CDH8: variants seen among roughly 807,000 people sequenced by gnomAD.
CDH8 encodes the protein cadherin-8.
CDH8 carries 17 observed loss-of-function variants against 68.1 expected under a neutral mutation model. The observed-to-expected ratio is 0.25, with a 90% CI of 0.17 to 0.37. The LOEUF is 0.37. Ranked by LOEUF, CDH8 falls within the 10% of genes least tolerant of loss-of-function variation. CDH8 has a pLI of 1.00. For synonymous variants in CDH8, 372 were observed against 365.1 expected (o/e 1.02, Z -0.21); for missense variants, 763 against 999.3 (o/e 0.76, Z 3.19).
At chr16:61,887,977 G>C (rs1963707243) in intron 3 of CDH8, among the ~76,000 whole-genome samples, 1 of 152,094 alleles carries the variant, frequency 6.6e-6, no homozygotes. Flanking sequence ...CTGAAATTCT[G>C]TTTCTAGAAC....
rs1286697934 is a variant in CDH8, at chr16:61,852,900, TC to T, written c.667+4218del. On this transcript the variant is annotated intron_variant, in intron 4 of 11. Coordinates refer to ENST00000577390, the MANE Select transcript of CDH8 (RefSeq NM_001796.5). ...TTCCTTCCTTCCTTCCTTCCATTCT[TC>T]CTTCCTTCCTTCCTTCCTTCCCTCT... Among the ~76,000 whole-genome samples the T allele has an allele frequency of 1.3e-3, 192 of 148,688 alleles. 1 individual carries two copies. Among genetic ancestry groups the T allele is most frequent in the South Asian group, 8.9e-3 (41 of 4,626 alleles).
chr16:61,730,290 T>C (rs1012067910), intron 8 of CDH8, among the ~76,000 whole-genome samples: 1 of 151,460 alleles, frequency 6.6e-6, no homozygotes. Context: ...GTGTTATTTA[T>C]CTATCCCTGG....
rs1463701489 is a variant in CDH8, at chr16:61,901,293, T to G, written c.433A>C (p.Lys145Gln). 3 of 1,614,074 alleles carry G rather than the reference T, an allele frequency of 1.9e-6. No individual in the cohort carries two copies. In the East Asian group the frequency reaches 6.7e-5, roughly 36 times the overall value. Residue 145 changes from lysine (K) to glutamine (Q), a missense_variant, in exon 3 of 12, where the codon AAA (lysine) becomes CAA (glutamine). Physicochemically the swap from Lys to Gln is moderately conservative, Grantham distance 53 (BLOSUM62 1). Around this residue, in one of 2 missense-constraint regions of CDH8, gnomAD observed 366 missense variants for 563.1 expected, o/e 0.65. Coordinates refer to ENST00000577390, the MANE Select transcript of CDH8 (RefSeq NM_001796.5). ...AATTCAGAAGGAGGCTCCAGAGGTT[T>G]GCTTGTCTCCCAGTCCACTGCTTGA... ...TAQAVDWETSKPLEPPSEFII... is the reference protein window; with the variant it reads ...TAQAVDWETSQPLEPPSEFII...
At chr16:61,683,446 T>C (rs1468390415) in intron 10 of CDH8, among the ~76,000 whole-genome samples, 2 of 151,250 alleles carry the variant, frequency 1.3e-5, no homozygotes, top group Non-Finnish European at 3.0e-5. Flanking sequence ...GATTCCCTAA[T>C]ACAGTGCCAT....
At chr16:61,688,627 G>T (rs541512115) in intron 10 of CDH8, among the ~76,000 whole-genome samples, 1 of 152,078 alleles carries the variant, frequency 6.6e-6, no homozygotes, top group Non-Finnish European at 1.5e-5. Flanking sequence ...ACCCCACTGA[G>T]ATGGATCATA....
At chr16:62,030,369 T>C (rs930266740) in intron 1 of CDH8, among the ~76,000 whole-genome samples, 29 of 151,682 alleles carry the variant, frequency 1.9e-4, no homozygotes, top group Non-Finnish European at 1.6e-4. Flanking sequence ...GTATGAATTG[T>C]TTTTTGTTTT....
intron 2 of CDH8, among the ~76,000 whole-genome samples, chr16:61,954,282 G>A (rs1382424602): frequency 6.6e-6 from 1 of 151,992 alleles, no homozygotes; most frequent in East Asian, 1.9e-4. Flanking sequence ...CAGTTACTTG[G>A]TTCTCACCCT....
intron 10 of CDH8, among the ~76,000 whole-genome samples, chr16:61,673,690 CA>C (rs1380176695): frequency 1.3e-5 from 2 of 152,072 alleles, no homozygotes; most frequent in Non-Finnish European, 2.9e-5. Context: ...CTCACTTTTT[CA>C]GTGAGATTTA....
At chr16:61,834,499 T>A (rs1304176485) in intron 4 of CDH8, among the ~76,000 whole-genome samples, 1 of 151,960 alleles carries the variant, frequency 6.6e-6, no homozygotes, top group African/African-American at 2.4e-5. Flanking sequence ...ATTTCATAAT[T>A]GACATTTGAA....
intron 1 of CDH8, chr16:62,034,944 A>T (rs904027757): frequency 9.9e-5 from 15 of 152,248 alleles, no homozygotes; most frequent in African/African-American, 2.7e-4. Flanking sequence ...GTGGAGGCAA[A>T]CGGCTAGTCC....
At chr16:61,777,331 C>T (rs753595285) in intron 8 of CDH8, among the ~76,000 whole-genome samples, 24 of 152,116 alleles carry the variant, frequency 1.6e-4, no homozygotes, top group Non-Finnish European at 2.6e-4. Flanking sequence ...AGCAGCAACT[C>T]GCACCTGAAA....
At chr16:62,028,213 C>T (rs559447737) in intron 1 of CDH8, among the ~76,000 whole-genome samples, 8 of 151,728 alleles carry the variant, frequency 5.3e-5, no homozygotes, top group South Asian at 2.1e-4. Flanking sequence ...TAGAGGCACC[C>T]GCCACAATGC....
Position 62,003,038 on chromosome 16 carries a change from C to A in CDH8, c.252+18114G>T, listed in dbSNP as rs527835583. On this transcript the variant is annotated intron_variant, in intron 2 of 11. Coordinates refer to ENST00000577390, the MANE Select transcript of CDH8 (RefSeq NM_001796.5). The stretch of plus-strand genomic sequence containing the variant: ...CTGCACTCCAGCCTGGGCGACAGAG[C>A]CAGACTCCGTTTCAAAAAAAAAAAT... Among the ~76,000 whole-genome samples the A allele has an allele frequency of 2.3e-4, 35 of 152,080 alleles. 1 individual carries two copies. The South Asian group carries it at 7.3e-3, about 32-fold the overall frequency.
chr16:61,833,824 C>A (rs940606461), intron 4 of CDH8, among the ~76,000 whole-genome samples: 1 of 151,872 alleles, frequency 6.6e-6, no homozygotes, highest in African/African-American at 2.4e-5. Context: ...GTCTCAGCTG[C>A]CAAGAAGTCT....
intron 2 of CDH8, among the ~76,000 whole-genome samples, chr16:61,985,233 C>G (rs1965605796): frequency 6.6e-6 from 1 of 152,020 alleles, no homozygotes; most frequent in Non-Finnish European, 1.5e-5. Context: ...AAATAGCCCT[C>G]TAAGAAAGCC....
At chr16:61,750,099 T>C (rs572084842) in intron 8 of CDH8, among the ~76,000 whole-genome samples, 10 of 152,176 alleles carry the variant, frequency 6.6e-5, no homozygotes, top group Admixed American at 5.2e-4. Context: ...TGTCTACTTC[T>C]GCCATCTTTA....
intron 1 of CDH8, among the ~76,000 whole-genome samples, chr16:62,033,726 T>G (rs975269408): frequency 6.6e-6 from 1 of 152,084 alleles, no homozygotes; most frequent in African/African-American, 2.4e-5. Context: ...GACATTCACT[T>G]GGGGAGTGTG....
intron 8 of CDH8, among the ~76,000 whole-genome samples, chr16:61,746,908 C>T (rs1960036636): frequency 6.6e-6 from 1 of 151,972 alleles, no homozygotes; most frequent in African/African-American, 2.4e-5. Context: ...GTTAAATAAA[C>T]AAATACATAA....
intron 10 of CDH8, among the ~76,000 whole-genome samples, chr16:61,674,101 G>A (rs1428492233): frequency 1.3e-5 from 2 of 152,098 alleles, no homozygotes; most frequent in African/African-American, 4.8e-5. Flanking sequence ...TAATACATAA[G>A]TCATTCAGCA....
Sources: gnomAD v4.1 joint callset for allele counts (sites outside exome capture counted in the v4.1 genomes callset) on GRCh38, gnomAD v4.1.1 for gene constraint, gnomAD v4.1.1 regional missense constraint, MANE v1.5 for transcripts, NCBI Gene and HGNC (gene_info 2026-07-23, HGNC 2026-07-21) for gene names.